TECTA: variants seen among roughly 807,000 people sequenced by gnomAD.
TECTA encodes the protein tectorin alpha.
Under a neutral mutation model 216.8 loss-of-function variants are expected in TECTA, and 128 were observed. The observed-to-expected ratio is 0.59, with a 90% CI of 0.51 to 0.68. TECTA has a LOEUF of 0.68. TECTA is among the 30% of genes least tolerant of loss of function. The probability of loss-of-function intolerance (pLI) is 0.00; values close to 1 mark genes in which losing one functional copy is unlikely to be tolerated. For synonymous variants in TECTA, 1,089 were observed against 1,117.1 expected, an observed-to-expected ratio of 0.97 and a Z score of 0.50; for missense variants, 2,551 against 2,786.2, an observed-to-expected ratio of 0.92 and a Z score of 1.90.
chr11:121,152,930 C>T lies in TECTA; in HGVS notation c.4155C>T (p.Cys1385=). The T allele has an allele frequency of 6.2e-7, 1 of 1,612,058 alleles. No individual in the cohort carries two copies. The highest frequency in any genetic ancestry group is 8.5e-7 in the Non-Finnish European group (1 of 1,178,398). ...NSHYESCVSV[C]QPRCAAIRLK... is the part of the protein sequence containing the mutation. ...ATTACGAGAGCTGCGTGAGTGTCTG[C>T]CAGCCCCGCTGCGCCGCCATCCGCC... Residue 1385 remains cysteine, a synonymous_variant, in exon 13 of 24, where the codon TGC becomes TGT. Coordinates refer to ENST00000392793, the MANE Select transcript of TECTA (RefSeq NM_005422.4).
rs759489246 is a variant in TECTA, at chr11:121,168,744, G to A, written c.5818G>A (p.Ala1940Thr). 22 of 1,613,984 alleles carry A rather than the reference G, an allele frequency of 1.4e-5. No homozygotes were observed. Among genetic ancestry groups the A allele is most frequent in the Admixed American group, 5.0e-5 (3 of 59,998 alleles). Residue 1940 changes from alanine to threonine, a missense_variant, in exon 20 of 24, where the codon GCC becomes ACC. Physicochemically the swap from Ala to Thr is moderately conservative, Grantham distance 58. This residue lies in a region of TECTA where 2,375 missense variants were observed against 2,563.9 expected (regional missense o/e 0.93). Transcript: ENST00000392793. ...CACCAAGATGGCTCTCTACAAAAAC[G>A]CCTCCTACAAACATCCTTACCGCCA... ...FITKMALYKN[A>T]SYKHPYRQGE...
rs151012450 is a variant in TECTA, at chr11:121,112,405, G to A, written c.487-667G>A. On this transcript the variant is annotated intron_variant, in intron 4 of 23. Coordinates refer to ENST00000392793, the MANE Select transcript of TECTA (RefSeq NM_005422.4). ...CCTAGTTTTCTTAACTATAAGATAGGCGTGGGCCAATACGATCACCCGTCT... is the reference window on the plus strand; with the variant it reads ...CCTAGTTTTCTTAACTATAAGATAGACGTGGGCCAATACGATCACCCGTCT... 6.5e-3 allele frequency among the ~76,000 whole-genome samples: 993 copies of A among 152,276 alleles called. 15 individuals carry two copies. Among genetic ancestry groups the A allele is most frequent in the African/African-American group, 0.022 (922 of 41,552 alleles).
At chr11:121,169,109 C>CAGACAATCA (rs1947086299) in intron 20 of TECTA, among the ~76,000 whole-genome samples, 184 bp downstream of exon 20, 1 of 152,208 alleles carries the variant, frequency 6.6e-6, no homozygotes, top group African/African-American at 2.4e-5. Context: ...CCTCATTTTA[C>CAGACAATCA]AGACAATCAA....
Position 121,164,190 on chromosome 11 carries a change from C to T in TECTA, c.5273-1083C>T, listed in dbSNP as rs188827616. Among the ~76,000 whole-genome samples the T allele has an allele frequency of 5.9e-5, 9 of 152,246 alleles. No homozygotes were observed. In the East Asian group the frequency reaches 1.7e-3, roughly 29 times the overall value. ...TGGGTATGTGTGTCTGTGGTGAGAA[C>T]ATGAAACTCTACTCTGTTGGTAATT... On this transcript the variant is annotated intron_variant, in intron 16 of 23. Transcript: ENST00000392793.
At position 121,160,148 on chromosome 11, in the gene TECTA, A is replaced by T; in HGVS notation, c.4703A>T (p.Gln1568Leu). 1 of 1,614,226 alleles carries T rather than the reference A, an allele frequency of 6.2e-7. No homozygotes were observed. Residue 1568 changes from glutamine (Q) to leucine (L), a missense_variant, in exon 15 of 24, where the codon CAA becomes CTA. Gln to Leu is a moderately radical substitution (Grantham distance 113, BLOSUM62 -2). Transcript: ENST00000392793. ...CTCCTCCAATAGGTGAATGGCACAC[A>T]AGTGAATGTTCCATTTATAACTGGT... ...DRNTVKVNGT[Q>L]VNVPFITGLA...
intron 14 of TECTA, among the ~76,000 whole-genome samples, chr11:121,158,972 C>T (rs753470539): frequency 1.3e-5 from 2 of 152,192 alleles, no homozygotes; most frequent in Non-Finnish European, 2.9e-5. Context: ...CTAGAGCAGG[C>T]TGCTGTGGCA....
At chr11:121,156,803 T>G (rs1395653824) in intron 13 of TECTA, among the ~76,000 whole-genome samples, 1 of 152,128 alleles carries the variant, frequency 6.6e-6, no homozygotes, top group Non-Finnish European at 1.5e-5. Context: ...CCACAAGATA[T>G]TATTAATATC....
rs1347672950 is a variant in TECTA at position 121,105,214 on chromosome 11, C to A, written c.65-617C>A. 6.6e-6 allele frequency among the ~76,000 whole-genome samples: 1 copy of A among 152,200 alleles called. No homozygotes were observed. The highest frequency in any genetic ancestry group is 1.9e-4 in the East Asian group (1 of 5,198). ...TTCTCAAGGACCCAACCCTCTGACCCCGGAGGATCTCATGTCTGTCTTTTG... is the reference window on the plus strand; with the variant it reads ...TTCTCAAGGACCCAACCCTCTGACCACGGAGGATCTCATGTCTGTCTTTTG... On this transcript the variant is annotated intron_variant, in intron 2 of 23. Coordinates refer to ENST00000392793, the MANE Select transcript of TECTA (RefSeq NM_005422.4). The surrounding 1 kb of genome is among the most constrained non-coding windows in gnomAD (Gnocchi z 5.3).
chr11:121,147,001 CA>C (rs1946844461), intron 12 of TECTA, among the ~76,000 whole-genome samples: 1 of 152,140 alleles, frequency 6.6e-6, no homozygotes, highest in African/African-American at 2.4e-5. Flanking sequence ...CCCAGGCTCC[CA>C]ACCCATATAC....
At chr11:121,156,285 C>T (rs959690258) in intron 13 of TECTA, among the ~76,000 whole-genome samples, 19 of 152,176 alleles carry the variant, frequency 1.2e-4, no homozygotes, top group African/African-American at 4.3e-4. Context: ...AGCGGTCCTC[C>T]CACCTCAGCC....
intron 8 of TECTA, 39 bp downstream of exon 8, chr11:121,125,911 T>C: frequency 1.3e-6 from 2 of 1,596,316 alleles, no homozygotes; most frequent in South Asian, 1.1e-5. Context: ...GTCTCTCTTG[T>C]GCAGGGGGCA....
At chr11:121,171,755 G>A (rs188903813) in intron 20 of TECTA, among the ~76,000 whole-genome samples, 2 of 152,192 alleles carry the variant, frequency 1.3e-5, no homozygotes, top group Non-Finnish European at 2.9e-5. Flanking sequence ...ATTTTTGCAT[G>A]TTGTTTTTAT....
At chr11:121,160,585 A>G (rs766969486) in intron 15 of TECTA, among the ~76,000 whole-genome samples, 164 bp downstream of exon 15, 1 of 152,240 alleles carries the variant, frequency 6.6e-6, no homozygotes, top group African/African-American at 2.4e-5. Flanking sequence ...GGCACATCAG[A>G]GACCCCAGTA....
intron 11 of TECTA, among the ~76,000 whole-genome samples, chr11:121,143,742 C>A (rs2135103737): frequency 6.6e-6 from 1 of 152,288 alleles, no homozygotes; most frequent in African/African-American, 2.4e-5. Flanking sequence ...GTGAACATTG[C>A]CCCAGGACAA....
intron 6 of TECTA, 129 bp from the exon 7 acceptor site, chr11:121,118,177 T>C: frequency 8.3e-7 from 1 of 1,199,114 alleles, no homozygotes; most frequent in South Asian, 1.3e-5. Context: ...CAAATGAGGG[T>C]GACCATACCT....
chr11:121,154,335 G>C (rs1480206475), intron 13 of TECTA, among the ~76,000 whole-genome samples: 3 of 152,188 alleles, frequency 2.0e-5, no homozygotes, highest in African/African-American at 7.2e-5. Context: ...TGCTATATTA[G>C]AAAGACAGGG....
In TECTA at chr11:121,187,299, G is replaced by A. The variant is rs147642232; in HGVS notation, c.6000-533G>A. Reference sequence around the variant, plus strand: ...TTGGCTCAATGCCACAAGAAGGAAGGGGGCTGAGAAAAGTGGCAGTCAGCT... The same window carrying A: ...TTGGCTCAATGCCACAAGAAGGAAGAGGGCTGAGAAAAGTGGCAGTCAGCT... On this transcript the variant is annotated intron_variant, in intron 20 of 23. Transcript: ENST00000392793. Among the ~76,000 whole-genome samples, 506 of 152,276 alleles carry A rather than the reference G, an allele frequency of 3.3e-3. 3 individuals carry two copies. Among genetic ancestry groups the A allele is most frequent in the African/African-American group, 0.011 (475 of 41,542 alleles).
At chr11:121,171,943 C>T (rs1021084879) in intron 20 of TECTA, among the ~76,000 whole-genome samples, 23 of 152,006 alleles carry the variant, frequency 1.5e-4, no homozygotes, top group African/African-American at 5.6e-4. Context: ...ACTTCTAGTA[C>T]TATGTTAATA....
At chr11:121,108,047 A>G (rs1946406240) in intron 3 of TECTA, among the ~76,000 whole-genome samples, 1 of 152,156 alleles carries the variant, frequency 6.6e-6, no homozygotes, top group Admixed American at 6.5e-5. Context: ...GAATATTTTC[A>G]TCAGAGACTG....
Sources: allele counts gnomAD v4.1 joint callset (sites outside exome capture counted in the v4.1 genomes callset), GRCh38; gene constraint gnomAD v4.1.1; regional missense constraint gnomAD v4.1.1; non-coding constraint Gnocchi (gnomAD v3.1); transcripts MANE v1.5; gene names NCBI Gene and HGNC (gene_info 2026-07-23, HGNC 2026-07-21).